The following SCAI variants were observed in gnomAD, a reference collection of about 807,000 sequenced individuals.
The protein encoded by SCAI is suppressor of cancer cell invasion.
A neutral mutation model predicts 92.2 loss-of-function variants in SCAI; 24 were observed. The observed-to-expected ratio is 0.26, with a 90% CI of 0.19 to 0.37. The LOEUF (loss-of-function observed/expected upper bound fraction) is 0.37. Ranked by LOEUF, SCAI falls within the 10% of genes least tolerant of loss-of-function variation. The pLI is 1.00. For synonymous variants in SCAI, 261 were observed against 258.6 expected (o/e 1.01, Z -0.09); for missense variants, 450 against 736.2 (o/e 0.61, Z 4.50).
At chr9:125,002,386 G>C (rs934550067) in intron 11 of SCAI, among the ~76,000 whole-genome samples, 1 of 151,778 alleles carries the variant, frequency 6.6e-6, no homozygotes, top group Non-Finnish European at 1.5e-5. Context: ...ACTTTGGGAA[G>C]AATTCTCCTA....
chr9:125,141,283 C>T (rs1835659954), intron 2 of SCAI, among the ~76,000 whole-genome samples: 1 of 152,188 alleles, frequency 6.6e-6, no homozygotes, highest in African/African-American at 2.4e-5. Flanking sequence ...TCTGTTGGCA[C>T]TTCCACCATC....
intron 3 of SCAI, among the ~76,000 whole-genome samples, chr9:125,051,567 A>T (rs1833561089): frequency 6.6e-6 from 1 of 152,232 alleles, no homozygotes; most frequent in Non-Finnish European, 1.5e-5. Flanking sequence ...AAATGTTTGA[A>T]GTGATGGATA....
intron 2 of SCAI, among the ~76,000 whole-genome samples, chr9:125,138,590 G>GTA (rs1308253601): frequency 3.3e-5 from 5 of 151,798 alleles, no homozygotes; most frequent in African/African-American, 4.8e-5. Context: ...GATTTTTTTT[G>GTA]TTTTTAGTAG....
chr9:125,138,882 G>T (rs1205394287), intron 2 of SCAI, among the ~76,000 whole-genome samples: 2 of 152,208 alleles, frequency 1.3e-5, no homozygotes, highest in Non-Finnish European at 2.9e-5. Context: ...TGAGGAAACT[G>T]AGGCAGAGAC....
chr9:125,069,617 CTTT>C (rs919064250), intron 2 of SCAI, among the ~76,000 whole-genome samples: 1,862 of 90,904 alleles, frequency 0.02, 35 homozygotes, highest in Admixed American at 0.067. Context: ...TGCACCCGGT[CTTT>C]TTTTTTTTTT....
chr9:124,990,255 G>A (rs1425845233), intron 14 of SCAI, among the ~76,000 whole-genome samples: 1 of 152,090 alleles, frequency 6.6e-6, no homozygotes, highest in East Asian at 1.9e-4. Context: ...CTGGGAGGCC[G>A]AGGTAGGCGG....
chr9:125,033,584 A>G (rs1156336084), intron 3 of SCAI, among the ~76,000 whole-genome samples: 1 of 152,172 alleles, frequency 6.6e-6, no homozygotes, highest in Non-Finnish European at 1.5e-5. Flanking sequence ...CCCGCATTTA[A>G]AAAGTAAAGA....
At chr9:125,014,980 T>C (rs530911942) in intron 9 of SCAI, among the ~76,000 whole-genome samples, 14 of 152,306 alleles carry the variant, frequency 9.2e-5, no homozygotes, top group African/African-American at 3.4e-4. Context: ...GCTAGCCATA[T>C]GTAGAAAGCT....
intron 17 of SCAI, among the ~76,000 whole-genome samples, chr9:124,962,180 G>GA (rs1831452426): frequency 7.6e-6 from 1 of 132,092 alleles, no homozygotes; most frequent in Non-Finnish European, 1.6e-5. Context: ...TGCGGGGGGG[G>GA]ATGGAGTCTT....
At chr9:125,134,347 CAT>C (rs755742157) in intron 2 of SCAI, among the ~76,000 whole-genome samples, 1 of 152,178 alleles carries the variant, frequency 6.6e-6, no homozygotes, top group Non-Finnish European at 1.5e-5. Context: ...CCCATTAATA[CAT>C]GAGATTTTCC....
In SCAI at chr9:125,094,998, C is replaced by T. The variant is rs1369882799; in HGVS notation, c.99-38991G>A. 2.0e-5 allele frequency among the ~76,000 whole-genome samples: 3 copies of T among 152,128 alleles called. 1 individual carries two copies. The South Asian group carries it at 6.2e-4, about 32-fold the overall frequency. On this transcript the variant is annotated intron_variant, in intron 2 of 17. Transcript: ENST00000336505. The stretch of plus-strand genomic sequence containing the variant: ...ACATAAAATGTATTAATTACTTTCA[C>T]ACACGAAGTTGTGACAGACAAACAG...
At chr9:125,132,778 C>G (rs903025369) in intron 2 of SCAI, among the ~76,000 whole-genome samples, 1 of 152,012 alleles carries the variant, frequency 6.6e-6, no homozygotes, top group Non-Finnish European at 1.5e-5. Context: ...AGCAGCCTGA[C>G]CAACATGGTG....
At chr9:125,021,264 TGA>T (rs1207172264) in intron 6 of SCAI, among the ~76,000 whole-genome samples, 1 of 152,166 alleles carries the variant, frequency 6.6e-6, no homozygotes, top group African/African-American at 2.4e-5. Flanking sequence ...CAGGAAAATA[TGA>T]TCTCTGTGCC....
At chr9:125,092,131 TAAAAAAAAAAA>T (rs71374225) in intron 2 of SCAI, among the ~76,000 whole-genome samples, 865 of 61,068 alleles carry the variant, frequency 0.014, 49 homozygotes, top group Non-Finnish European at 0.019. Flanking sequence ...CTCCGTCTCT[TAAAAAAAAAAA>T]AAAAAAAAAA....
At chr9:124,963,473 A>G (rs1410501185) in intron 17 of SCAI, among the ~76,000 whole-genome samples, 2 of 151,918 alleles carry the variant, frequency 1.3e-5, no homozygotes, top group South Asian at 2.1e-4. Flanking sequence ...GCCAGGGCTG[A>G]GCACGGTGGC....
intron 2 of SCAI, among the ~76,000 whole-genome samples, chr9:125,085,388 G>A (rs1255546077): frequency 6.6e-6 from 1 of 152,138 alleles, no homozygotes; most frequent in East Asian, 1.9e-4. Context: ...TCAGGAAGCT[G>A]AGGCAGGAGA....
intron 17 of SCAI, among the ~76,000 whole-genome samples, chr9:124,953,294 T>C (rs894712164): frequency 2.0e-5 from 3 of 152,136 alleles, no homozygotes; most frequent in African/African-American, 4.8e-5. Context: ...TCAACAAGTA[T>C]ATGTTAAATA....
At chr9:125,075,817 G>A (rs540792279) in intron 2 of SCAI, among the ~76,000 whole-genome samples, 29 of 152,058 alleles carry the variant, frequency 1.9e-4, no homozygotes, top group African/African-American at 4.6e-4. Flanking sequence ...CAACCGCCTC[G>A]GCCTCCCAAA....
chr9:125,093,567 CTTTT>C (rs761646048), intron 2 of SCAI, among the ~76,000 whole-genome samples: 3 of 137,174 alleles, frequency 2.2e-5, no homozygotes, highest in East Asian at 2.1e-4. Flanking sequence ...ATGACACCTC[CTTTT>C]TTTTTTTTTT....
Sources: gnomAD v4.1 joint callset for allele counts (sites outside exome capture counted in the v4.1 genomes callset) on GRCh38, gnomAD v4.1.1 for gene constraint, MANE v1.5 for transcripts, NCBI Gene and HGNC (gene_info 2026-07-23, HGNC 2026-07-21) for gene names.